ACTN3: variants seen among roughly 807,000 people sequenced by gnomAD.
The protein encoded by ACTN3 is alpha-actinin-3.
In ACTN3, 91 loss-of-function variants were observed where a neutral mutation model predicts 119.6. The ratio of observed to expected loss-of-function variants is 0.76; its 90% CI spans 0.64 to 0.91. The LOEUF is 0.91. Ranked by LOEUF, ACTN3 falls within the 40% of genes least tolerant of loss-of-function variation. The pLI, the probability that ACTN3 is intolerant of heterozygous loss-of-function variation, is 0.00. For missense variants in ACTN3, 1,221 were observed against 1,215.1 expected (o/e 1.00, Z -0.07); for synonymous variants, 456 against 478.8 (o/e 0.95, Z 0.62).
chr11:66,559,248 T>C lies in ACTN3; in HGVS notation c.1289T>C (p.Met430Thr), dbSNP rs2134935622. ...TCTCTTTGAGCAGGAAAGGAGGAGA[T>C]GCTGAGCCAGCGCGACTACGATTCG... ...HEAWTRGKEEMLSQRDYDSAL... is the reference protein window; with the variant it reads ...HEAWTRGKEETLSQRDYDSAL... The change falls in exon 12 of 21, where the codon ATG (methionine) becomes ACG (threonine). Residue 430 changes from methionine (M) to threonine (T), a missense_variant. Met to Thr is a moderately conservative substitution (Grantham distance 81). Transcript: ENST00000513398. 17 of 1,554,254 alleles carry C rather than the reference T, an allele frequency of 1.1e-5. No homozygotes were observed. The highest frequency in any genetic ancestry group is 1.5e-5 in the Non-Finnish European group (17 of 1,151,320).
chr11:66,557,964 G>A (rs745860643), intron 10 of ACTN3, 35 bp downstream of exon 10: 1 of 1,613,168 alleles, frequency 6.2e-7, no homozygotes, highest in East Asian at 2.2e-5. Flanking sequence ...GTGACCTTGA[G>A]GTCCGTATCC....
In ACTN3 at chr11:66,560,619, C is replaced by T. The variant is rs1857733254; in HGVS notation, c.1724C>T (p.Ala575Val). The T allele has an allele frequency of 4.3e-6, 7 of 1,613,702 alleles. No individual in the cohort carries two copies. In the East Asian group the frequency reaches 1.3e-4, roughly 31 times the overall value. ...CAGTTCAAGGCAACACTGCCCGAGG[C>T]TGACCGAGAGCGAGGTGCCATCATG... Reference protein sequence around the residue: ...HDQFKATLPEADRERGAIMGI... With the variant: ...HDQFKATLPEVDRERGAIMGI... The change falls in exon 15 of 21, where the codon GCT (alanine) becomes GTT (valine). Residue 575 changes from alanine (A) to valine (V), a missense_variant. Ala to Val is a moderately conservative substitution (Grantham distance 64). Transcript: ENST00000513398.
Position 66,555,052 on chromosome 11 carries a change from G to GT in ACTN3, c.558-78_558-77insT, listed in dbSNP as rs1051495369. On this transcript the variant is annotated intron_variant, in intron 5 of 20. Coordinates refer to ENST00000513398, the MANE Select transcript of ACTN3 (RefSeq NM_001104.4). ...ATTTTACAGATGAGGCTGTCCTTCT[G>GT]GGGGGTGCTCCTGGGCCGAGGGGAG... 5.4e-6 allele frequency: 7 copies of GT among 1,298,638 alleles called. No homozygotes were observed. The Admixed American group carries it at 7.4e-5, about 14-fold the overall frequency. The allele number at this position is 1,298,638 out of a possible 1,614,324, so 80.4% of individuals were successfully genotyped here.
At chr11:66,552,876 TCTCTCACACA>T (rs1455455604) in intron 3 of ACTN3, among the ~76,000 whole-genome samples, 5 of 71,822 alleles carry the variant, frequency 7.0e-5, no homozygotes, top group African/African-American at 4.5e-4. Flanking sequence ...TCTCTCTCTC[TCTCTCACACA>T]CACACACACA....
chr11:66,546,921 C>G lies in ACTN3; in HGVS notation c.-17C>G. On this transcript the variant is annotated 5_prime_UTR_variant, in exon 1 of 21. Transcript: ENST00000513398. ...CGAGAGCGTGCCGAGCGGAGCGAAG[C>G]CAGGAGCCCGATCGAGATGATGATG... 1 of 1,535,506 alleles carries G rather than the reference C, an allele frequency of 6.5e-7. No homozygotes were observed. The highest frequency in any genetic ancestry group is 8.7e-7 in the Non-Finnish European group (1 of 1,144,898).
At chr11:66,554,702 AG>A in intron 5 of ACTN3, 79 bp downstream of exon 5, 2 of 1,187,990 alleles carry the variant, frequency 1.7e-6, no homozygotes, top group Non-Finnish European at 2.4e-6. Context: ...TGGTCAGTGA[AG>A]GGCACTGAGC....
intron 11 of ACTN3, among the ~76,000 whole-genome samples, chr11:66,558,675 C>A (rs569663236): frequency 9.9e-5 from 15 of 152,266 alleles, no homozygotes; most frequent in Admixed American, 9.8e-4. Flanking sequence ...CGCCTGTTTT[C>A]TATAAACTCA....
chr11:66,546,924 G>A lies in ACTN3; in HGVS notation c.-14G>A. 1.3e-6 allele frequency: 2 copies of A among 1,536,862 alleles called. No homozygotes were observed. Among genetic ancestry groups the A allele is most frequent in the Non-Finnish European group, 1.7e-6 (2 of 1,145,688 alleles). On this transcript the variant is annotated 5_prime_UTR_variant, in exon 1 of 21. Coordinates refer to ENST00000513398, the MANE Select transcript of ACTN3 (RefSeq NM_001104.4). ...GAGCGTGCCGAGCGGAGCGAAGCCAGGAGCCCGATCGAGATGATGATGGTT... is the reference window on the plus strand; with the variant it reads ...GAGCGTGCCGAGCGGAGCGAAGCCAAGAGCCCGATCGAGATGATGATGGTT...
At chr11:66,559,714 C>T (rs1434109444) in intron 12 of ACTN3, among the ~76,000 whole-genome samples, 1 of 151,772 alleles carries the variant, frequency 6.6e-6, no homozygotes, top group Non-Finnish European at 1.5e-5. Flanking sequence ...CCCATGAACC[C>T]GCCCCTTCTT....
chr11:66,557,302 G>A, intron 9 of ACTN3, 77 bp downstream of exon 9: 3 of 1,359,010 alleles, frequency 2.2e-6, no homozygotes, highest in Non-Finnish European at 3.1e-6. Flanking sequence ...CCAAGCGTGG[G>A]CCTGCAGAGC....
upstream of ACTN3, chr11:66,546,683 C>T: frequency 6.5e-7 from 1 of 1,532,730 alleles, no homozygotes; most frequent in South Asian, 1.2e-5. Flanking sequence ...TCACACAGCG[C>T]CCCAGCAGCG....
chr11:66,559,951 C>T lies in ACTN3; in HGVS notation c.1428-17C>T. On this transcript the variant is annotated splice_polypyrimidine_tract_variant and intron_variant, in intron 12 of 20. Transcript: ENST00000513398. ...GGCTGGGGCTGGCCCCACACTCGCC[C>T]TACTTCTCGCTCCCAGTGAGCTGGA... 6.3e-7 allele frequency: 1 copy of T among 1,578,502 alleles called. No homozygotes were observed. Among genetic ancestry groups the T allele is most frequent in the East Asian group, 2.3e-5 (1 of 42,890 alleles).
rs757419685 is a variant in ACTN3 at position 66,562,886 on chromosome 11, C to T, written c.2479C>T (p.Arg827Ter). Residue 827 changes from arginine (R) to a stop codon, truncating the protein, a stop_gained, in exon 20 of 21, where the codon CGA becomes TGA. Coordinates refer to ENST00000513398, the MANE Select transcript of ACTN3 (RefSeq NM_001104.4). LOFTEE classifies it high-confidence loss of function. ...TFQAFIDFMTRETAETDTTEQ... is the reference protein window; with the variant it reads ...TFQAFIDFMT ...CCAGGCCTTCATAGACTTCATGACC[C>T]GAGAGACAGCCGAGACTGACACGAC... 6.8e-6 allele frequency: 11 copies of T among 1,613,666 alleles called. No homozygotes were observed. Among genetic ancestry groups the T allele is most frequent in the Admixed American group, 3.3e-5 (2 of 59,970 alleles).
At chr11:66,546,779 C>T (rs1187146662), upstream of ACTN3, 2 of 1,535,238 alleles carry the variant, frequency 1.3e-6, no homozygotes, top group Non-Finnish European at 8.7e-7. Context: ...AGGACAACCC[C>T]TTGCCAGGTC....
At position 66,560,091 on chromosome 11, in the gene ACTN3, C is replaced by T. The variant is rs1401651924; in HGVS notation, c.1536+15C>T. On this transcript the variant is annotated intron_variant, in intron 13 of 20. Coordinates refer to ENST00000513398, the MANE Select transcript of ACTN3 (RefSeq NM_001104.4). ...ATGCGCTAGAGGTGGGGCTGGGGGC[C>T]GGGGAGCTGGGGGGTGGGTAGGTGG... 3.5e-4 allele frequency: 104 copies of T among 299,658 alleles called. No homozygotes were observed. Among genetic ancestry groups the T allele is most frequent in the East Asian group, 3.1e-3 (28 of 8,926 alleles). 18.6% of individuals were successfully genotyped at this position (299,658 alleles called of 1,614,324 possible). A position where few individuals can be genotyped will look rare whatever the true frequency, so the allele number is the denominator to read the frequency against.
At position 66,561,304 on chromosome 11, in the gene ACTN3, G is replaced by C; in HGVS notation, c.1938G>C (p.Arg646=). 6.2e-7 allele frequency: 1 copy of C among 1,610,436 alleles called. No individual in the cohort carries two copies. Among genetic ancestry groups the C allele is most frequent in the Non-Finnish European group, 8.5e-7 (1 of 1,178,978 alleles). Residue 646 remains arginine, a synonymous_variant, in exon 16 of 21, where the codon CGG becomes CGC. Coordinates refer to ENST00000513398, the MANE Select transcript of ACTN3 (RefSeq NM_001104.4). ...GGCAGCAGGTAAACGAGAGGCTCCG[G>C]CGACAGTTTGCGGCCCAGGCCAATG... is the stretch of plus-strand genomic sequence containing the variant. ...LARQQVNERL[R]RQFAAQANAI... is the part of the protein sequence containing the mutation.
chr11:66,553,820 C>T (rs572226277), intron 3 of ACTN3, among the ~76,000 whole-genome samples: 57 of 146,380 alleles, frequency 3.9e-4, no homozygotes, highest in African/African-American at 1.3e-3. Flanking sequence ...CGCCACTGCA[C>T]TCCAGCCTGG....
chr11:66,554,676 A>G, intron 5 of ACTN3, 53 bp downstream of exon 5: 1 of 1,470,048 alleles, frequency 6.8e-7, no homozygotes, highest in Non-Finnish European at 9.3e-7. Flanking sequence ...TACTGGGCAT[A>G]GAGAGGAGCC....
At chr11:66,554,228 T>A in intron 4 of ACTN3, 97 bp downstream of exon 4, 1 of 953,570 alleles carries the variant, frequency 1.0e-6, no homozygotes, top group Non-Finnish European at 1.6e-6. Context: ...ACTTGAAGGA[T>A]CGCCCAGGAG....
Sources: gnomAD v4.1 joint callset for allele counts (sites outside exome capture counted in the v4.1 genomes callset) on GRCh38, gnomAD v4.1.1 for gene constraint, MANE v1.5 for transcripts, NCBI Gene and HGNC (gene_info 2026-07-23, HGNC 2026-07-21) for gene names.